Variants in CFAP91 observed in about 807,000 individuals in gnomAD.
CFAP91 encodes the protein cilia and flagella associated protein 91, also known as cilia- and flagella-associated protein 91.
CFAP91 carries 85 observed loss-of-function variants against 95.9 expected under a neutral mutation model. That is an observed-to-expected ratio of 0.89 (90% confidence interval 0.74 to 1.06). The LOEUF is 1.06. Among genes scored for constraint, CFAP91 ranks in the 50% least tolerant of loss-of-function variants. The pLI is 0.00. For synonymous variants in CFAP91, 335 were observed against 327.5 expected (o/e 1.02, Z -0.25); for missense variants, 962 against 943.4 (o/e 1.02, Z -0.26).
intron 1 of CFAP91, among the ~76,000 whole-genome samples, chr3:119,703,670 G>GT (rs199530668): frequency 0.02 from 2,966 of 152,030 alleles, 37 homozygotes; most frequent in Non-Finnish European, 0.03. Flanking sequence ...GTTGTTGTTT[G>GT]TTTTTTTTAA....
At chr3:119,733,594 G>A in intron 10 of CFAP91, 88 bp downstream of exon 10, 1 of 1,369,668 alleles carries the variant, frequency 7.3e-7, no homozygotes, top group Non-Finnish European at 1.0e-6. Context: ...AATGTCCAGT[G>A]GGTCAAACAT....
intron 11 of CFAP91, among the ~76,000 whole-genome samples, chr3:119,738,741 C>G (rs1170866877): frequency 6.6e-6 from 1 of 152,088 alleles, no homozygotes; most frequent in Non-Finnish European, 1.5e-5. Context: ...GATTTCCAGA[C>G]CCTGCTTTTT....
At chr3:119,716,690 G>A (rs1444258768) in intron 6 of CFAP91, among the ~76,000 whole-genome samples, 1 of 152,146 alleles carries the variant, frequency 6.6e-6, no homozygotes, top group Non-Finnish European at 1.5e-5. Context: ...GGGTTCAAGT[G>A]ATTCTCCTGC....
rs79392545 is a variant in CFAP91, at chr3:119,718,868, T to C, written c.682+3125T>C. ...TAAGTAAATTTATTTATGTAATGTG[T>C]TCATACCTACAATCCAGCAATTTCA... On this transcript the variant is annotated intron_variant, in intron 6 of 17. Transcript: ENST00000273390. 8.1e-3 allele frequency among the ~76,000 whole-genome samples: 1,232 copies of C among 151,994 alleles called. 25 individuals carry two copies. Among genetic ancestry groups the C allele is most frequent in the African/African-American group, 0.028 (1,150 of 41,412 alleles).
At chr3:119,743,412 C>G (rs2054159583) in intron 13 of CFAP91, among the ~76,000 whole-genome samples, 1 of 152,166 alleles carries the variant, frequency 6.6e-6, no homozygotes, top group African/African-American at 2.4e-5. Context: ...GCCACCATGC[C>G]CAGCCATTCC....
chr3:119,734,164 G>A (rs1282391636), intron 10 of CFAP91, among the ~76,000 whole-genome samples: 5 of 152,120 alleles, frequency 3.3e-5, no homozygotes, highest in Admixed American at 3.3e-4. Context: ...TTTTTTATAA[G>A]TTTCCCGGTG....
rs900805413 is a variant in CFAP91, at chr3:119,766,211, A to T, written c.*1161A>T. The stretch of plus-strand genomic sequence containing the variant: ...GAATGGGCAAAGAGATTAAAATGAC[A>T]GAAGTTAGCTGTAGATGACCTATCC... On this transcript the variant is annotated 3_prime_UTR_variant, in exon 18 of 18. Transcript: ENST00000273390. The T allele has an allele frequency of 6.6e-6, 1 of 151,842 alleles. No individual in the cohort carries two copies. Among genetic ancestry groups the T allele is most frequent in the Non-Finnish European group, 1.5e-5 (1 of 68,048 alleles). The allele number at this position is 151,842 out of a possible 1,614,324, so 9.4% of individuals were successfully genotyped here.
Position 119,730,600 on chromosome 3 carries a change from T to TTGTGTGTGTGTG in CFAP91, c.1018+223_1018+224insTGTGTGTGTGTG, listed in dbSNP as rs1559757137. On this transcript the variant is annotated intron_variant, in intron 8 of 17. Transcript: ENST00000273390. The stretch of plus-strand genomic sequence containing the variant: ...CTAACAGGTAGTCGAGTTACTGAGA[T>TTGTGTGTGTGTG]AGTGTGTGTGTGTGTGTGTGTGTGT... Among the ~76,000 whole-genome samples the TTGTGTGTGTGTG allele has an allele frequency of 1.4e-4, 13 of 95,462 alleles. No individual in the cohort carries two copies. The East Asian group carries it at 5.4e-3, about 40-fold the overall frequency. 62.6% of individuals were successfully genotyped at this position (95,462 alleles called of 152,430 possible). A position where few individuals can be genotyped will look rare whatever the true frequency, so the allele number is the denominator to read the frequency against.
At chr3:119,740,875 G>GTGTGTGTGTGTGT (rs1577231925) in intron 13 of CFAP91, 180 bp downstream of exon 13, 2 of 705,944 alleles carry the variant, frequency 2.8e-6, no homozygotes, top group South Asian at 1.8e-5. Flanking sequence ...GTGTGTGTGT[G>GTGTGTGTGTGTGT]ATGGAGTTTC....
Position 119,750,996 on chromosome 3 carries a change from G to A in CFAP91, c.2203G>A (p.Glu735Lys). 1 of 1,614,034 alleles carries A rather than the reference G, an allele frequency of 6.2e-7. No individual in the cohort carries two copies. Among genetic ancestry groups the A allele is most frequent in the Non-Finnish European group, 8.5e-7 (1 of 1,179,918 alleles). ...CCATCAGATCATCCACAGTTACACGGAAAGCATGGTTCAAAAGAAATTAAC... is the reference window on the plus strand; with the variant it reads ...CCATCAGATCATCCACAGTTACACGAAAAGCATGGTTCAAAAGAAATTAAC... ...AAHQIIHSYT[E>K]SMVQKKLTEG... Residue 735 changes from glutamate to lysine, a missense_variant, in exon 17 of 18, where the codon GAA becomes AAA. Glu to Lys is a moderately conservative substitution (Grantham distance 56, BLOSUM62 1). Coordinates refer to ENST00000273390, the MANE Select transcript of CFAP91 (RefSeq NM_033364.4).
At chr3:119,722,297 A>G (rs1284512189) in intron 6 of CFAP91, among the ~76,000 whole-genome samples, 1 of 152,124 alleles carries the variant, frequency 6.6e-6, no homozygotes, top group Non-Finnish European at 1.5e-5. Flanking sequence ...TCTCTACTAA[A>G]AATACAGAGA....
rs779317877 is a variant in CFAP91, at chr3:119,739,320, G to T, written c.1527G>T (p.Gln509His). The T allele has an allele frequency of 6.2e-7, 1 of 1,614,008 alleles. No individual in the cohort carries two copies. Among genetic ancestry groups the T allele is most frequent in the East Asian group, 2.2e-5 (1 of 44,882 alleles). ...AGTTACTCCGGGGCAGAGTCGTTCA[G>T]AACATGGTGTGTAGGTCCAACCGCT... The part of the protein sequence containing the change: ...LQKLLRGRVV[Q>H]NMMFEGKEKR... Residue 509 changes from glutamine to histidine, a missense_variant, in exon 12 of 18, where the codon CAG becomes CAT. Coordinates refer to ENST00000273390, the MANE Select transcript of CFAP91 (RefSeq NM_033364.4).
intron 7 of CFAP91, among the ~76,000 whole-genome samples, chr3:119,727,965 C>T (rs1016253293): frequency 6.6e-6 from 1 of 151,724 alleles, no homozygotes; most frequent in Non-Finnish European, 1.5e-5. Context: ...CCTTCCTGCC[C>T]CAGTGAACTA....
At chr3:119,724,914 A>G (rs1288119268) in intron 6 of CFAP91, among the ~76,000 whole-genome samples, 1 of 151,950 alleles carries the variant, frequency 6.6e-6, no homozygotes, top group East Asian at 1.9e-4. Flanking sequence ...CTGGCTAACA[A>G]TACCCTAATA....
chr3:119,737,278 C>T (rs529186187), intron 10 of CFAP91, 88 bp from the exon 11 acceptor site: 6 of 713,978 alleles, frequency 8.4e-6, no homozygotes, highest in South Asian at 7.4e-5. Context: ...TTATGTAATA[C>T]ATTCATGTAA....
intron 5 of CFAP91, among the ~76,000 whole-genome samples, chr3:119,712,033 C>T (rs1052004948): frequency 2.0e-5 from 3 of 152,132 alleles, no homozygotes; most frequent in Admixed American, 6.6e-5. Context: ...GCCCTGGCTG[C>T]CATAAGAGTA....
chr3:119,730,601 A>AGTGTGTGTGTGTGTGTGT lies in CFAP91; in HGVS notation c.1018+256_1018+273dup, dbSNP rs60453079. ...TAACAGGTAGTCGAGTTACTGAGAT[A>AGTGTGTGTGTGTGTGTGT]GTGTGTGTGTGTGTGTGTGTGTGTG... On this transcript the variant is annotated intron_variant, in intron 8 of 17. Coordinates refer to ENST00000273390, the MANE Select transcript of CFAP91 (RefSeq NM_033364.4). Among the ~76,000 whole-genome samples, 21 of 137,198 alleles carry AGTGTGTGTGTGTGTGTGT rather than the reference A, an allele frequency of 1.5e-4. No individual in the cohort carries two copies. In the East Asian group the frequency reaches 3.3e-3, roughly 22 times the overall value. The allele number at this position is 137,198 out of a possible 152,430, so 90.0% of individuals were successfully genotyped here. A position where few individuals can be genotyped will look rare whatever the true frequency, so the allele number is the denominator to read the frequency against.
chr3:119,710,359 T>G (rs925185071), intron 5 of CFAP91: 1 of 156,936 alleles, frequency 6.4e-6, no homozygotes, highest in South Asian at 1.9e-4. Context: ...TGTCTTCACA[T>G]GGCAGAAGAA....
chr3:119,703,276 G>C (rs939285531), intron 1 of CFAP91, 54 bp downstream of exon 1: 2 of 1,595,582 alleles, frequency 1.3e-6, no homozygotes, highest in Admixed American at 1.7e-5. Flanking sequence ...GGCCAGGTGG[G>C]CTCCCAGATG....
Sources: allele counts gnomAD v4.1 joint callset (sites outside exome capture counted in the v4.1 genomes callset), GRCh38; gene constraint gnomAD v4.1.1; transcripts MANE v1.5; gene names NCBI Gene and HGNC (gene_info 2026-07-23, HGNC 2026-07-21).